Variants in SPIDR observed in about 807,000 individuals in gnomAD.
The protein encoded by SPIDR is DNA repair-scaffolding protein.
A neutral mutation model predicts 104.6 loss-of-function variants in SPIDR; 93 were observed. The ratio of observed to expected loss-of-function variants is 0.89; its 90% CI spans 0.75 to 1.06. The LOEUF is 1.06. SPIDR is among the 50% of genes least tolerant of loss of function. The pLI, the probability that SPIDR is intolerant of heterozygous loss-of-function variation, is 0.00. For synonymous variants in SPIDR, 431 were observed against 416.9 expected (o/e 1.03, Z -0.41); for missense variants, 1,154 against 1,111.2 (o/e 1.04, Z -0.55).
intron 5 of SPIDR, among the ~76,000 whole-genome samples, chr8:47,297,494 A>G (rs1473498994): frequency 6.6e-6 from 1 of 152,030 alleles, no homozygotes; most frequent in African/African-American, 2.4e-5. Context: ...TTTAGGGTAC[A>G]TGTGCAAAAC....
chr8:47,494,503 G>A (rs766957234), intron 8 of SPIDR, among the ~76,000 whole-genome samples: 3 of 151,848 alleles, frequency 2.0e-5, no homozygotes, highest in Non-Finnish European at 4.4e-5. Context: ...CTGAATGAAC[G>A]GTTTGTTTAT....
intron 8 of SPIDR, among the ~76,000 whole-genome samples, chr8:47,539,759 A>C (rs1162839183): frequency 6.6e-6 from 1 of 151,982 alleles, no homozygotes; most frequent in Non-Finnish European, 1.5e-5. Context: ...AAAAAAAAAA[A>C]AACCCTTTTC....
chr8:47,613,945 C>T (rs1483330246), intron 10 of SPIDR, among the ~76,000 whole-genome samples: 1 of 152,022 alleles, frequency 6.6e-6, no homozygotes, highest in East Asian at 1.9e-4. Flanking sequence ...TGGTAGTTTG[C>T]TGCACCTATC....
intron 3 of SPIDR, among the ~76,000 whole-genome samples, chr8:47,287,868 C>T (rs2039161518): frequency 6.6e-6 from 1 of 151,960 alleles, no homozygotes; most frequent in African/African-American, 2.4e-5. Flanking sequence ...ATGAAGATAA[C>T]AGGATTAAGA....
At chr8:47,465,415 C>T (rs1564048968) in intron 8 of SPIDR, among the ~76,000 whole-genome samples, 4 of 152,054 alleles carry the variant, frequency 2.6e-5, no homozygotes, top group Non-Finnish European at 4.4e-5. Flanking sequence ...AAAGGCACAG[C>T]GTGGCAAGCT....
At chr8:47,288,975 C>T (rs1363334729) in intron 3 of SPIDR, among the ~76,000 whole-genome samples, 4 of 152,122 alleles carry the variant, frequency 2.6e-5, no homozygotes, top group Admixed American at 1.3e-4. Context: ...AGTGTTTCTT[C>T]CAGACCACAC....
intron 8 of SPIDR, among the ~76,000 whole-genome samples, chr8:47,593,732 G>A (rs1428651080): frequency 6.6e-6 from 1 of 152,208 alleles, no homozygotes; most frequent in Admixed American, 6.5e-5. Flanking sequence ...TCAGTTGACA[G>A]TTGAGAGAGG....
At chr8:47,340,201 G>T (rs574003167) in intron 5 of SPIDR, among the ~76,000 whole-genome samples, 2 of 152,202 alleles carry the variant, frequency 1.3e-5, no homozygotes, top group South Asian at 4.1e-4. Context: ...ATCAATAAAT[G>T]TGTGCTTTAG....
intron 7 of SPIDR, among the ~76,000 whole-genome samples, chr8:47,414,014 GA>G (rs2063880912): frequency 1.3e-5 from 2 of 152,056 alleles, no homozygotes; most frequent in Non-Finnish European, 2.9e-5. Flanking sequence ...TTTTTCTTTT[GA>G]AAAAAATCTT....
intron 3 of SPIDR, among the ~76,000 whole-genome samples, chr8:47,288,064 T>A (rs1244269135): frequency 2.6e-5 from 4 of 152,202 alleles, no homozygotes; most frequent in African/African-American, 9.6e-5. Context: ...TCCTCTGCGG[T>A]GGCTCCAGCT....
chr8:47,470,247 T>C (rs1554719980), intron 8 of SPIDR, among the ~76,000 whole-genome samples: 1 of 152,142 alleles, frequency 6.6e-6, no homozygotes, highest in Non-Finnish European at 1.5e-5. Flanking sequence ...AAATAAGAAC[T>C]CTTACATATA....
At chr8:47,592,433 G>A in intron 8 of SPIDR, 3 of 1,440,596 alleles carry the variant, frequency 2.1e-6, no homozygotes, top group Middle Eastern at 3.5e-4. Context: ...TCTTCTGGAA[G>A]GAATAGTTCA....
At chr8:47,551,738 T>C (rs1396538311) in intron 8 of SPIDR, among the ~76,000 whole-genome samples, 1 of 152,190 alleles carries the variant, frequency 6.6e-6, no homozygotes, top group Non-Finnish European at 1.5e-5. Flanking sequence ...GATTCATTAA[T>C]TTTTTGAAGG....
chr8:47,624,564 G>C (rs997270950), intron 10 of SPIDR, among the ~76,000 whole-genome samples: 1 of 151,926 alleles, frequency 6.6e-6, no homozygotes, highest in Non-Finnish European at 1.5e-5. Context: ...TATCACCACC[G>C]ATCCCACAGA....
At chr8:47,721,809 C>G (rs1259822340) in intron 16 of SPIDR, among the ~76,000 whole-genome samples, 2 of 152,220 alleles carry the variant, frequency 1.3e-5, no homozygotes, top group East Asian at 3.8e-4. Context: ...AAGTCGGGTA[C>G]TGTCAGTTTT....
chr8:47,669,945 G>T (rs2029239), intron 10 of SPIDR, among the ~76,000 whole-genome samples: 4 of 152,040 alleles, frequency 2.6e-5, no homozygotes, highest in Admixed American at 2.0e-4. Flanking sequence ...GGTTGCAGTG[G>T]GTCGAGATTA....
intron 8 of SPIDR, among the ~76,000 whole-genome samples, chr8:47,444,961 T>C (rs1238750241): frequency 2.6e-5 from 4 of 152,264 alleles, no homozygotes; most frequent in African/African-American, 9.6e-5. Flanking sequence ...AGATATTGTT[T>C]CAAAGTCGCT....
chr8:47,416,105 G>A (rs188252633), intron 7 of SPIDR, among the ~76,000 whole-genome samples: 273 of 152,284 alleles, frequency 1.8e-3, no homozygotes, highest in African/African-American at 6.2e-3. Flanking sequence ...TTAGCCAGGT[G>A]TGGTGGCAGG....
intron 5 of SPIDR, among the ~76,000 whole-genome samples, chr8:47,301,312 A>G (rs1187266457): frequency 6.6e-6 from 1 of 151,708 alleles, no homozygotes; most frequent in Non-Finnish European, 1.5e-5. Context: ...ATCTTCCTTC[A>G]TCCTTTATTT....
Sources: allele counts gnomAD v4.1 joint callset (sites outside exome capture counted in the v4.1 genomes callset), GRCh38; gene constraint gnomAD v4.1.1; transcripts MANE v1.5; gene names NCBI Gene and HGNC (gene_info 2026-07-23, HGNC 2026-07-21).